The following TCF20 variants were observed in gnomAD, a reference collection of about 807,000 sequenced individuals.
The protein encoded by TCF20 is transcription factor 20, also known as SPRE-binding protein.
In TCF20, 3 loss-of-function variants were observed where a neutral mutation model predicts 148.6. The ratio of observed to expected loss-of-function variants is 0.02; its 90% confidence interval spans 0.01 to 0.05. TCF20 has a LOEUF of 0.05. TCF20 is among the 10% of genes least tolerant of loss of function. TCF20 has a pLI of 1.00. For synonymous variants in TCF20, 1,049 were observed against 909.5 expected, an observed-to-expected ratio of 1.15 and a Z score of -2.76; for missense variants, 2,350 against 2,429.3, an observed-to-expected ratio of 0.97 and a Z score of 0.69.
chr22:42,282,069 A>C (rs1926914025), intron 1 of TCF20, among the ~76,000 whole-genome samples: 1 of 152,238 alleles, frequency 6.6e-6, no homozygotes. Flanking sequence ...AAGTGAATTG[A>C]GACCAGAAGA....
At chr22:42,273,525 GC>G (rs1465919514), upstream of TCF20, among the ~76,000 whole-genome samples, 1 of 151,982 alleles carries the variant, frequency 6.6e-6, no homozygotes, top group Non-Finnish European at 1.5e-5. Context: ...CAATAACTGA[GC>G]GCCCCTTCCT....
intron 1 of TCF20, among the ~76,000 whole-genome samples, chr22:42,241,816 A>AGAGT (rs1454745766): frequency 6.6e-6 from 1 of 152,120 alleles, no homozygotes; most frequent in Non-Finnish European, 1.5e-5. Context: ...CCTGGGCGAA[A>AGAGT]GAGTGAGACT....
chr22:42,164,464 C>G (rs984839385), intron 5 of TCF20, among the ~76,000 whole-genome samples: 1 of 152,068 alleles, frequency 6.6e-6, no homozygotes, highest in Non-Finnish European at 1.5e-5. Flanking sequence ...CTCCTGACCT[C>G]GTGATCTGCC....
chr22:42,197,392 G>A (rs1450697428), intron 2 of TCF20, among the ~76,000 whole-genome samples: 12 of 148,854 alleles, frequency 8.1e-5, no homozygotes, highest in Admixed American at 5.4e-4. Flanking sequence ...GCGCGATCTC[G>A]GCTCACTGCA....
intron 1 of TCF20, among the ~76,000 whole-genome samples, chr22:42,276,117 C>T (rs1050649230): frequency 1.1e-4 from 16 of 152,172 alleles, no homozygotes; most frequent in South Asian, 2.1e-4. Flanking sequence ...CACGGGAAGG[C>T]AGTGCCACAT....
intron 1 of TCF20, among the ~76,000 whole-genome samples, chr22:42,253,366 G>A (rs1196813091): frequency 1.3e-5 from 2 of 151,940 alleles, no homozygotes; most frequent in Non-Finnish European, 2.9e-5. Context: ...TTCTTCAACA[G>A]ATACAGGACG....
chr22:42,281,012 TC>T (rs1926890111), intron 1 of TCF20, among the ~76,000 whole-genome samples: 1 of 151,964 alleles, frequency 6.6e-6, no homozygotes, highest in Non-Finnish European at 1.5e-5. Flanking sequence ...TGCTGCCATC[TC>T]CGTTGGGGAT....
chr22:42,230,959 G>C (rs1206440412), intron 1 of TCF20, among the ~76,000 whole-genome samples: 1 of 152,126 alleles, frequency 6.6e-6, no homozygotes, highest in Admixed American at 6.5e-5. Context: ...TGGAATTCCA[G>C]ACCAGCCTGG....
chr22:42,282,439 C>T (rs1926921688), intron 1 of TCF20, among the ~76,000 whole-genome samples: 1 of 152,240 alleles, frequency 6.6e-6, no homozygotes, highest in Non-Finnish European at 1.5e-5. Flanking sequence ...AGTCAAGGTC[C>T]AGGAGGCTGT....
intron 1 of TCF20, among the ~76,000 whole-genome samples, chr22:42,219,133 C>CA (rs770467502): frequency 2.0e-5 from 3 of 151,416 alleles, no homozygotes; most frequent in Non-Finnish European, 4.4e-5. Flanking sequence ...CCTGTAATCC[C>CA]AGTGTTTTGG....
Position 42,160,877 on chromosome 22 carries a change from G to A in TCF20, c.*526C>T, listed in dbSNP as rs148653914. ...GGTGTGAGACAGGCTAAAGATCAAC[G>A]CCACACACACACCCCGTCCTTCATG... On this transcript the variant is annotated 3_prime_UTR_variant, in exon 6 of 6. Coordinates refer to ENST00000677622, the MANE Select transcript of TCF20 (RefSeq NM_001378418.1). The A allele has an allele frequency of 1.1e-4, 17 of 153,196 alleles. No homozygotes were observed. The East Asian group carries it at 2.9e-3, about 26-fold the overall frequency. The allele number at this position is 153,196 out of a possible 1,614,324, so 9.5% of individuals were successfully genotyped here.
chr22:42,324,088 G>GGAGGTTA (rs1927814995), intron 1 of TCF20, among the ~76,000 whole-genome samples: 3 of 105,486 alleles, frequency 2.8e-5, no homozygotes, highest in Non-Finnish European at 6.2e-5. Context: ...GGTGGTGGTG[G>GGAGGTTA]TGATGGAGGT....
chr22:42,321,392 C>T (rs1192795361), intron 1 of TCF20, among the ~76,000 whole-genome samples: 3 of 152,226 alleles, frequency 2.0e-5, no homozygotes, highest in Non-Finnish European at 4.4e-5. Flanking sequence ...ACATGCCCAC[C>T]TCCCGGCTCC....
intron 1 of TCF20, among the ~76,000 whole-genome samples, chr22:42,328,808 G>C (rs890783385): frequency 1.3e-5 from 2 of 152,208 alleles, no homozygotes; most frequent in East Asian, 1.9e-4. Context: ...GCCCCAGACG[G>C]GGGGGAAAGC....
chr22:42,233,093 G>T (rs980547303), intron 1 of TCF20, among the ~76,000 whole-genome samples: 1 of 151,974 alleles, frequency 6.6e-6, no homozygotes, highest in African/African-American at 2.4e-5. Flanking sequence ...GCTAATTTTT[G>T]TATTTTTAGT....
chr22:42,253,301 T>G (rs1397921818), intron 1 of TCF20, among the ~76,000 whole-genome samples: 1 of 152,168 alleles, frequency 6.6e-6, no homozygotes, highest in Admixed American at 6.5e-5. Flanking sequence ...GCTACTTGAG[T>G]TGCACTGTCA....
At chr22:42,246,600 A>C (rs957131231) in intron 1 of TCF20, among the ~76,000 whole-genome samples, 3 of 152,236 alleles carry the variant, frequency 2.0e-5, no homozygotes, top group African/African-American at 7.2e-5. Flanking sequence ...TGCACCGTAG[A>C]GGATACGGCA....
At chr22:42,227,144 A>G (rs765312089) in intron 1 of TCF20, among the ~76,000 whole-genome samples, 6 of 152,148 alleles carry the variant, frequency 3.9e-5, no homozygotes, top group Non-Finnish European at 7.4e-5. Context: ...TTAGCTGGGC[A>G]TGGTGGCACA....
chr22:42,199,132 C>G (rs146286195), intron 2 of TCF20, among the ~76,000 whole-genome samples: 1 of 152,130 alleles, frequency 6.6e-6, no homozygotes, highest in Non-Finnish European at 1.5e-5. Flanking sequence ...CATTCTTCTA[C>G]GAACAGTTCC....
Sources: allele counts gnomAD v4.1 joint callset (sites outside exome capture counted in the v4.1 genomes callset), GRCh38; gene constraint gnomAD v4.1.1; transcripts MANE v1.5; gene names NCBI Gene and HGNC (gene_info 2026-07-23, HGNC 2026-07-21).